The following CBLB variants were observed in gnomAD, a reference collection of about 807,000 sequenced individuals.
CBLB encodes E3 ubiquitin-protein ligase CBL-B.
CBLB carries 31 observed loss-of-function variants against 104.9 expected under a neutral mutation model. The observed-to-expected ratio is 0.30, with a 90% CI of 0.22 to 0.40. The LOEUF (loss-of-function observed/expected upper bound fraction) is 0.40, where lower values mean the gene tolerates loss of function less well. CBLB is among the 10% of genes least tolerant of loss of function. The pLI is 1.00. For synonymous variants in CBLB, 440 were observed against 422.6 expected (o/e 1.04, Z -0.51); for missense variants, 1,062 against 1,214.6 (o/e 0.87, Z 1.87).
At chr3:105,724,274 C>T (rs2073293321) in intron 9 of CBLB, 1 of 157,668 alleles carries the variant, frequency 6.3e-6, no homozygotes. Flanking sequence ...ATCTTTGGTT[C>T]TGGTTTATTA....
intron 3 of CBLB, among the ~76,000 whole-genome samples, chr3:105,835,353 T>C (rs1322441858): frequency 6.6e-6 from 1 of 152,174 alleles, no homozygotes; most frequent in Non-Finnish European, 1.5e-5. Context: ...GAAGGAAATG[T>C]CCAGGGAAGC....
intron 3 of CBLB, among the ~76,000 whole-genome samples, chr3:105,832,508 T>A (rs1434720199): frequency 2.0e-5 from 3 of 152,188 alleles, no homozygotes; most frequent in Non-Finnish European, 4.4e-5. Flanking sequence ...TCATCCTTTT[T>A]AAAATGTCAC....
chr3:105,812,664 C>T (rs1293896438), intron 3 of CBLB, among the ~76,000 whole-genome samples: 2 of 152,052 alleles, frequency 1.3e-5, no homozygotes, highest in African/African-American at 4.8e-5. Flanking sequence ...CAAGGGAAAC[C>T]CTGTGAGATG....
At chr3:105,734,886 A>G (rs1453880573) in intron 8 of CBLB, among the ~76,000 whole-genome samples, 4 of 152,254 alleles carry the variant, frequency 2.6e-5, no homozygotes, top group Admixed American at 2.0e-4. Flanking sequence ...TTTTTAGCTT[A>G]AAACATTTGA....
chr3:105,834,965 C>G (rs115747626), intron 3 of CBLB, among the ~76,000 whole-genome samples: 2 of 152,186 alleles, frequency 1.3e-5, no homozygotes, highest in East Asian at 3.9e-4. Context: ...GTTATCACAA[C>G]GCTGACAAGG....
rs544190824 is a variant in CBLB, at chr3:105,742,495, G to A, written c.846-1864C>T. On this transcript the variant is annotated intron_variant, in intron 6 of 18. Transcript: ENST00000394030. ...AAAAGTCTAAAAACATATATCCCTA[G>A]AGAAACTGAAAATAGGATATCAATC... 2.0e-5 allele frequency among the ~76,000 whole-genome samples: 3 copies of A among 151,972 alleles called. No homozygotes were observed. The South Asian group carries it at 6.2e-4, about 32-fold the overall frequency.
At chr3:105,836,900 C>T (rs1412971281) in intron 3 of CBLB, among the ~76,000 whole-genome samples, 2 of 151,822 alleles carry the variant, frequency 1.3e-5, no homozygotes, top group Non-Finnish European at 2.9e-5. Flanking sequence ...AAAAGCCCTG[C>T]CTACATATTC....
intron 10 of CBLB, among the ~76,000 whole-genome samples, chr3:105,709,985 T>G (rs938273643): frequency 6.6e-6 from 1 of 151,972 alleles, no homozygotes; most frequent in African/African-American, 2.4e-5. Flanking sequence ...GACAAATAAT[T>G]TGAAAGAAAT....
At chr3:105,868,153 A>C (rs1706400858) in intron 1 of CBLB, 3 of 1,169,950 alleles carry the variant, frequency 2.6e-6, no homozygotes, top group East Asian at 6.4e-5. Context: ...ACCACCAAGT[A>C]CGGACACACG....
chr3:105,790,828 T>C (rs2081546838), intron 3 of CBLB, among the ~76,000 whole-genome samples: 1 of 152,190 alleles, frequency 6.6e-6, no homozygotes, highest in South Asian at 2.1e-4. Context: ...AGAAGTGATG[T>C]GTATTCAGGA....
intron 18 of CBLB, among the ~76,000 whole-genome samples, chr3:105,667,282 G>C (rs148435411): frequency 8.0e-6 from 1 of 124,536 alleles, no homozygotes; most frequent in Admixed American, 9.0e-5. Flanking sequence ...AGAGTGAATG[G>C]TGCACTTCAT....
intron 18 of CBLB, among the ~76,000 whole-genome samples, chr3:105,667,358 A>C (rs941760845): frequency 5.9e-5 from 9 of 152,198 alleles, no homozygotes; most frequent in Non-Finnish European, 1.2e-4. Context: ...TTACAACAAG[A>C]GAAAAGCAAA....
chr3:105,838,941 G>C (rs979281973), intron 3 of CBLB, among the ~76,000 whole-genome samples: 17 of 152,270 alleles, frequency 1.1e-4, no homozygotes, highest in African/African-American at 3.6e-4. Flanking sequence ...CTCGAGACTG[G>C]AAGTGGATTC....
intron 9 of CBLB, among the ~76,000 whole-genome samples, chr3:105,729,270 A>T (rs1235013505): frequency 1.9e-4 from 29 of 152,242 alleles, no homozygotes; most frequent in Non-Finnish European, 2.9e-5. Context: ...GTTTAATTTT[A>T]ACTTTAACTT....
chr3:105,740,769 C>G, intron 6 of CBLB, 138 bp from the exon 7 acceptor site: 2 of 758,390 alleles, frequency 2.6e-6, no homozygotes, highest in Non-Finnish European at 4.5e-6. Context: ...TGTCTTCTAA[C>G]TTATTTTTAG....
At chr3:105,811,076 T>C (rs1361170998) in intron 3 of CBLB, among the ~76,000 whole-genome samples, 1 of 152,206 alleles carries the variant, frequency 6.6e-6, no homozygotes, top group Non-Finnish European at 1.5e-5. Flanking sequence ...TTTTTTATTC[T>C]AATCCAAGTG....
At chr3:105,805,178 C>G (rs1490206339) in intron 3 of CBLB, among the ~76,000 whole-genome samples, 3 of 152,146 alleles carry the variant, frequency 2.0e-5, no homozygotes, top group African/African-American at 7.2e-5. Flanking sequence ...GAAATAAATG[C>G]CAATGGTACC....
At chr3:105,863,155 A>G (rs1254915720) in intron 2 of CBLB, among the ~76,000 whole-genome samples, 1 of 152,230 alleles carries the variant, frequency 6.6e-6, no homozygotes, top group Non-Finnish European at 1.5e-5. Flanking sequence ...GGCCTGCATT[A>G]TATGAATGCC....
intron 13 of CBLB, among the ~76,000 whole-genome samples, chr3:105,688,119 C>T (rs2067229217): frequency 6.6e-6 from 1 of 152,002 alleles, no homozygotes; most frequent in Non-Finnish European, 1.5e-5. Flanking sequence ...AATTTTCAGT[C>T]ATTGACTAAA....
Sources: gnomAD v4.1 joint callset for allele counts (sites outside exome capture counted in the v4.1 genomes callset) on GRCh38, gnomAD v4.1.1 for gene constraint, MANE v1.5 for transcripts, NCBI Gene and HGNC (gene_info 2026-07-23, HGNC 2026-07-21) for gene names.